Variants in RIC1 observed in about 807,000 individuals in gnomAD.
RIC1 encodes guanine nucleotide exchange factor subunit RIC1.
A neutral mutation model predicts 169.0 loss-of-function variants in RIC1; 88 were observed. That is an observed-to-expected ratio of 0.52 (90% CI 0.44 to 0.62). The LOEUF is 0.62. Ranked by LOEUF, RIC1 falls within the 20% of genes least tolerant of loss-of-function variation. The pLI, the probability that RIC1 is intolerant of heterozygous loss-of-function variation, is 0.00. For missense variants in RIC1, 1,877 were observed against 1,725.5 expected (o/e 1.09, Z -1.56); for synonymous variants, 790 against 601.5 (o/e 1.31, Z -4.59).
At chr9:5,695,644 C>T (rs7875120) in intron 3 of RIC1, among the ~76,000 whole-genome samples, 6 of 149,360 alleles carry the variant, frequency 4.0e-5, no homozygotes, top group African/African-American at 1.5e-4. Flanking sequence ...GTGATCTTGG[C>T]TCCCTGCAAT....
chr9:5,747,181 G>A lies in RIC1; in HGVS notation c.1249-121G>A, dbSNP rs1033372097. The A allele has an allele frequency of 3.0e-5, 21 of 696,646 alleles. No homozygotes were observed. In the African/African-American group the frequency reaches 3.0e-4, roughly 10 times the overall value. The allele number at this position is 696,646 out of a possible 1,614,324, so 43.2% of individuals were successfully genotyped here. ...GTCCTCTGTGAAGAAAATCAACATCGAGATACATGTACATTTCCTATAATA... is the reference window on the plus strand; with the variant it reads ...GTCCTCTGTGAAGAAAATCAACATCAAGATACATGTACATTTCCTATAATA... On this transcript the variant is annotated intron_variant, in intron 11 of 25. Transcript: ENST00000414202.
intron 14 of RIC1, 49 bp from the exon 15 acceptor site, chr9:5,754,792 T>C (rs1281209475): frequency 1.2e-5 from 13 of 1,076,452 alleles, no homozygotes; most frequent in African/African-American, 3.2e-5. Flanking sequence ...TACTTTGTTA[T>C]AATTTCTGGT....
At chr9:5,690,415 C>G (rs977735918) in intron 3 of RIC1, among the ~76,000 whole-genome samples, 1 of 151,930 alleles carries the variant, frequency 6.6e-6, no homozygotes, top group Non-Finnish European at 1.5e-5. Context: ...AAAAAAGAAC[C>G]TCAGACAGTT....
At chr9:5,665,993 G>T (rs899390080) in intron 2 of RIC1, among the ~76,000 whole-genome samples, 3 of 152,120 alleles carry the variant, frequency 2.0e-5, no homozygotes, top group Admixed American at 2.0e-4. Context: ...CCCCCCAATT[G>T]GTATGGGCTC....
intron 1 of RIC1, among the ~76,000 whole-genome samples, chr9:5,656,146 A>G (rs1038923343): frequency 3.9e-5 from 6 of 152,216 alleles, no homozygotes; most frequent in Admixed American, 3.9e-4. Context: ...CTGGGATTAC[A>G]GGCATGAGCC....
intron 2 of RIC1, among the ~76,000 whole-genome samples, chr9:5,685,932 A>G (rs1821190344): frequency 6.6e-6 from 1 of 151,340 alleles, no homozygotes; most frequent in African/African-American, 2.4e-5. Context: ...ATTTACAAGA[A>G]AAAAACAAAC....
chr9:5,729,766 G>T (rs1824246691), intron 6 of RIC1, among the ~76,000 whole-genome samples: 1 of 151,724 alleles, frequency 6.6e-6, no homozygotes, highest in African/African-American at 2.4e-5. Context: ...CAGATAGTAA[G>T]GTACTAAATA....
At chr9:5,652,428 A>G (rs1818855140) in intron 1 of RIC1, among the ~76,000 whole-genome samples, 2 of 152,024 alleles carry the variant, frequency 1.3e-5, no homozygotes, top group Admixed American at 6.6e-5. Flanking sequence ...TACTTCTTCA[A>G]TTAAATTTTT....
intron 1 of RIC1, among the ~76,000 whole-genome samples, chr9:5,646,169 G>T (rs1477967006): frequency 1.3e-5 from 2 of 152,188 alleles, no homozygotes; most frequent in South Asian, 2.1e-4. Flanking sequence ...TTTCCTAATG[G>T]TTATTAATGT....
chr9:5,760,562 G>A (rs1299838941), intron 17 of RIC1, among the ~76,000 whole-genome samples: 1 of 152,106 alleles, frequency 6.6e-6, no homozygotes, highest in African/African-American at 2.4e-5. Flanking sequence ...GCAGTTCCCA[G>A]TCATGCTGTT....
chr9:5,669,307 C>G (rs1470418231), intron 2 of RIC1, among the ~76,000 whole-genome samples: 1 of 152,146 alleles, frequency 6.6e-6, no homozygotes, highest in African/African-American at 2.4e-5. Flanking sequence ...CCCTGAGTCC[C>G]CAAAGTCCAT....
At chr9:5,632,240 G>A (rs1354026550) in intron 1 of RIC1, among the ~76,000 whole-genome samples, 1 of 152,170 alleles carries the variant, frequency 6.6e-6, no homozygotes, top group East Asian at 1.9e-4. Context: ...CCTTGTGGAA[G>A]GGACAGTCGT....
At chr9:5,734,779 A>C (rs1265183254) in intron 7 of RIC1, among the ~76,000 whole-genome samples, 1 of 152,232 alleles carries the variant, frequency 6.6e-6, no homozygotes, top group East Asian at 1.9e-4. Context: ...ATTTACCAGT[A>C]GTTGTAATCA....
downstream of RIC1, among the ~76,000 whole-genome samples, chr9:5,776,915 C>G (rs1426477993): frequency 6.6e-6 from 1 of 152,094 alleles, no homozygotes; most frequent in Non-Finnish European, 1.5e-5. Context: ...AGTACTTTGA[C>G]TTTTTCCCAT....
At chr9:5,685,712 A>T (rs1315786888) in intron 2 of RIC1, among the ~76,000 whole-genome samples, 1 of 151,138 alleles carries the variant, frequency 6.6e-6, no homozygotes, top group African/African-American at 2.4e-5. Flanking sequence ...GGACATAGGC[A>T]TGGGCAAGGA....
At chr9:5,742,595 G>T (rs56230550) in intron 8 of RIC1, among the ~76,000 whole-genome samples, 1 of 151,566 alleles carries the variant, frequency 6.6e-6, no homozygotes, top group East Asian at 1.9e-4. Flanking sequence ...TTAAGATTAC[G>T]CAGTTATAAG....
chr9:5,775,879 C>CTT lies in RIC1; in HGVS notation c.*1635_*1636dup, dbSNP rs943905594. 13 of 152,058 alleles carry CTT rather than the reference C, an allele frequency of 8.5e-5. No homozygotes were observed. Among genetic ancestry groups the CTT allele is most frequent in the African/African-American group, 3.1e-4 (13 of 41,424 alleles). The allele number at this position is 152,058 out of a possible 1,614,324, so 9.4% of individuals were successfully genotyped here. ...CTTCTGGTGCTATTTTTATTTAAGT[C>CTT]TTTGTTTCAAACCACCTTTCCCTGA... On this transcript the variant is annotated 3_prime_UTR_variant, in exon 26 of 26. Coordinates refer to ENST00000414202, the MANE Select transcript of RIC1 (RefSeq NM_020829.4).
downstream of RIC1, among the ~76,000 whole-genome samples, chr9:5,778,328 T>C (rs571385434): frequency 2.0e-5 from 3 of 152,352 alleles, no homozygotes; most frequent in South Asian, 6.2e-4. Flanking sequence ...GAAGGTCATG[T>C]TGTTTGCAAC....
chr9:5,771,648 G>GTTC (rs1282803223), intron 23 of RIC1, among the ~76,000 whole-genome samples: 4 of 152,062 alleles, frequency 2.6e-5, no homozygotes, highest in African/African-American at 4.8e-5. Flanking sequence ...GTGGACAAGG[G>GTTC]TTCTATTTTC....
Sources: allele counts gnomAD v4.1 joint callset (sites outside exome capture counted in the v4.1 genomes callset), GRCh38; gene constraint gnomAD v4.1.1; transcripts MANE v1.5; gene names NCBI Gene and HGNC (gene_info 2026-07-23, HGNC 2026-07-21).